ABCA6: variants seen among roughly 807,000 people sequenced by gnomAD.
ABCA6 encodes ATP-binding cassette sub-family A member 6.
In ABCA6, 164 loss-of-function variants were observed where a neutral mutation model predicts 191.2. The observed-to-expected ratio is 0.86, with a 90% CI of 0.76 to 0.98. The LOEUF (loss-of-function observed/expected upper bound fraction) is 0.98. Ranked by LOEUF, ABCA6 falls within the 50% of genes least tolerant of loss-of-function variation. The pLI is 0.00. For missense variants in ABCA6, 1,958 were observed against 1,894.1 expected (o/e 1.03, Z -0.63); for synonymous variants, 636 against 647.7 (o/e 0.98, Z 0.27).
At chr17:69,085,874 T>G (rs2072775657) in intron 30 of ABCA6, among the ~76,000 whole-genome samples, 158 bp from the exon 31 acceptor site, 1 of 152,232 alleles carries the variant, frequency 6.6e-6, no homozygotes, top group African/African-American at 2.4e-5. Flanking sequence ...AGCATGTTCT[T>G]TATTTTCTGT....
At chr17:69,129,329 T>C (rs993651285) in intron 7 of ABCA6, among the ~76,000 whole-genome samples, 8 of 152,180 alleles carry the variant, frequency 5.3e-5, no homozygotes, top group African/African-American at 1.9e-4. Context: ...TCAATAATTA[T>C]ACAGAAAAGA....
In ABCA6 at chr17:69,100,788, A is replaced by C; in HGVS notation, c.3012+9T>G. 2 of 1,603,398 alleles carry C rather than the reference A, an allele frequency of 1.2e-6. No individual in the cohort carries two copies. Among genetic ancestry groups the C allele is most frequent in the Non-Finnish European group, 1.7e-6 (2 of 1,175,984 alleles). On this transcript the variant is annotated intron_variant, in intron 22 of 38. Coordinates refer to ENST00000284425, the MANE Select transcript of ABCA6 (RefSeq NM_080284.3). Reference sequence around the variant, plus strand: ...TTAATTGTTTAGACTCAGTAAATCCAATACTTACAAGAGGAAATGGGCTTG... The same window carrying C: ...TTAATTGTTTAGACTCAGTAAATCCCATACTTACAAGAGGAAATGGGCTTG...
intron 11 of ABCA6, among the ~76,000 whole-genome samples, chr17:69,116,616 G>A (rs754399130): frequency 7.2e-5 from 11 of 152,048 alleles, no homozygotes; most frequent in Non-Finnish European, 1.3e-4. Context: ...GAAACAAATT[G>A]AATCTCATAC....
intron 17 of ABCA6, chr17:69,109,817 C>G (rs1568016924): frequency 6.6e-6 from 1 of 151,976 alleles, no homozygotes; most frequent in Non-Finnish European, 1.5e-5. Flanking sequence ...CCTATTTTAC[C>G]TAATAAGGTT....
In ABCA6 at chr17:69,084,285, T is replaced by A; in HGVS notation, c.4331A>T (p.Asp1444Val). ...CCACATTTGCTGCTGCCCTGTGGGG[T>A]CTATGCCCGTAGATGGTTCATCCAG... ...LLLDEPSTGI[D>V]PTGQQQMWQA... The change falls in exon 34 of 39, where the codon GAC (aspartate) becomes GTC (valine). Residue 1444 changes from aspartate to valine, a missense_variant. Coordinates refer to ENST00000284425, the MANE Select transcript of ABCA6 (RefSeq NM_080284.3). The A allele has an allele frequency of 1.9e-6, 3 of 1,614,036 alleles. No individual in the cohort carries two copies. Among genetic ancestry groups the A allele is most frequent in the Non-Finnish European group, 2.5e-6 (3 of 1,179,990 alleles).
chr17:69,105,102 A>G (rs929541204), intron 20 of ABCA6: 73 of 199,488 alleles, frequency 3.7e-4, no homozygotes, highest in African/African-American at 1.5e-3. Context: ...CATGGTAACC[A>G]GTGTGTATTG....
chr17:69,137,040 A>G (rs1483741398), intron 3 of ABCA6, among the ~76,000 whole-genome samples: 2 of 152,210 alleles, frequency 1.3e-5, no homozygotes, highest in African/African-American at 2.4e-5. Context: ...CTGCAAATCT[A>G]AAAGTATAAA....
rs139917035 is a variant in ABCA6 at position 69,084,045 on chromosome 17, C to G, written c.4355+216G>C. Among the ~76,000 whole-genome samples the G allele has an allele frequency of 1.3e-4, 20 of 152,256 alleles. No individual in the cohort carries two copies. The East Asian group carries it at 3.9e-3, about 29-fold the overall frequency. ...AACAGTCCACATTAAAAACCTAAAA[C>G]CCCAAGAAAATGTTGGGTCTTTTTA... On this transcript the variant is annotated intron_variant, in intron 34 of 38. Transcript: ENST00000284425.
chr17:69,116,919 T>A (rs2144681462), intron 11 of ABCA6, among the ~76,000 whole-genome samples: 2 of 152,264 alleles, frequency 1.3e-5, no homozygotes, highest in Admixed American at 1.3e-4. Flanking sequence ...AACAAAATTC[T>A]TAAAGAAGTT....
intron 8 of ABCA6, among the ~76,000 whole-genome samples, chr17:69,127,731 T>C (rs927379410): frequency 1.3e-5 from 2 of 152,146 alleles, no homozygotes; most frequent in African/African-American, 4.8e-5. Context: ...CTAAGATTAA[T>C]ATTTGTATAC....
At position 69,108,499 on chromosome 17, in the gene ABCA6, T is replaced by C. The variant is rs2073352289; in HGVS notation, c.2273-687A>G. The stretch of plus-strand genomic sequence containing the variant: ...TATTTTGTGTGTCTACTTTTCCCTA[T>C]CTAGTTAGATGTAGGCTCCATGAGA... On this transcript the variant is annotated intron_variant, in intron 17 of 38. Transcript: ENST00000284425. The C allele has an allele frequency of 2.0e-5, 3 of 152,354 alleles. No homozygotes were observed. The South Asian group carries it at 6.2e-4, about 32-fold the overall frequency. The allele number at this position is 152,354 out of a possible 1,614,324, so 9.4% of individuals were successfully genotyped here. A position where few individuals can be genotyped will look rare whatever the true frequency, so the allele number is the denominator to read the frequency against.
chr17:69,102,986 A>T lies in ABCA6; in HGVS notation c.2741-18T>A, dbSNP rs201248415. 113 of 1,440,590 alleles carry T rather than the reference A, an allele frequency of 7.8e-5. 1 individual carries two copies. In the East Asian group the frequency reaches 2.6e-3, roughly 33 times the overall value. The allele number at this position is 1,440,590 out of a possible 1,614,324, so 89.2% of individuals were successfully genotyped here. A position where few individuals can be genotyped will look rare whatever the true frequency, so the allele number is the denominator to read the frequency against. ...ATTTGATTCTAATATGAAGTTAATA[A>T]GAGAAGGCCATAGAAAAGTAAGAAA... On this transcript the variant is annotated intron_variant, in intron 20 of 38. Coordinates refer to ENST00000284425, the MANE Select transcript of ABCA6 (RefSeq NM_080284.3).
At chr17:69,103,064 A>T in intron 20 of ABCA6, 96 bp from the exon 21 acceptor site, 1 of 691,120 alleles carries the variant, frequency 1.4e-6, no homozygotes, top group South Asian at 2.3e-5. Flanking sequence ...GTTAATATTT[A>T]TGGAATACTA....
chr17:69,133,688 C>CT lies in ABCA6; in HGVS notation c.743dup (p.Ser249ValfsTer2), dbSNP rs1420043730. 6.2e-7 allele frequency: 1 copy of CT among 1,606,994 alleles called. No homozygotes were observed. The highest frequency in any genetic ancestry group is 1.1e-5 in the South Asian group (1 of 90,226). Reference sequence around the variant, plus strand: ...CCATCATTTTCATCAAATTCTTAGACTTTTTTCTCTCTTTTGTTACATTGA... The same window carrying CT: ...CCATCATTTTCATCAAATTCTTAGACTTTTTTTCTCTCTTTTGTTACATTGA... On this transcript the variant is annotated frameshift_variant, in exon 6 of 39. Coordinates refer to ENST00000284425, the MANE Select transcript of ABCA6 (RefSeq NM_080284.3). LOFTEE classifies it high-confidence loss of function.
intron 6 of ABCA6, among the ~76,000 whole-genome samples, chr17:69,131,350 T>C (rs1483686215): frequency 1.3e-5 from 2 of 152,220 alleles, no homozygotes; most frequent in Non-Finnish European, 2.9e-5. Flanking sequence ...TAATTAAGCC[T>C]GTGTTAGAAA....
rs188158113 is a variant in ABCA6 at position 69,085,133 on chromosome 17, G to T, written c.4079C>A (p.Pro1360His). The T allele has an allele frequency of 3.5e-5, 56 of 1,612,792 alleles. No individual in the cohort carries two copies. The East Asian group carries it at 6.5e-4, about 19-fold the overall frequency. The change falls in exon 32 of 39, where the codon CCT (proline) becomes CAT (histidine). Residue 1360 changes from proline (P) to histidine (H), a missense_variant. Transcript: ENST00000284425. Reference sequence around the variant, plus strand: ...CATGGGCCACAGCACGTTCTCTTGAGGGCAGTACCCCAGGTGGCCCAAAAC... The same window carrying T: ...CATGGGCCACAGCACGTTCTCTTGATGGCAGTACCCCAGGTGGCCCAAAAC... ...SSVLGHLGYCPQENVLWPMLT... is the reference protein window; with the variant it reads ...SSVLGHLGYCHQENVLWPMLT...
chr17:69,105,863 G>A (rs1169846187), intron 19 of ABCA6, 165 bp downstream of exon 19: 5 of 796,546 alleles, frequency 6.3e-6, no homozygotes, highest in South Asian at 2.0e-5. Flanking sequence ...AAGCTTAATC[G>A]AGTGTGAACA....
rs763673656 is a variant in ABCA6, at chr17:69,085,733, G to A, written c.3938-17C>T. The A allele has an allele frequency of 3.1e-5, 48 of 1,528,276 alleles. No homozygotes were observed. Among genetic ancestry groups the A allele is most frequent in the Non-Finnish European group, 4.2e-5 (46 of 1,104,886 alleles). The allele number at this position is 1,528,276 out of a possible 1,614,324, so 94.7% of individuals were successfully genotyped here. On this transcript the variant is annotated splice_polypyrimidine_tract_variant and intron_variant, in intron 30 of 38. Coordinates refer to ENST00000284425, the MANE Select transcript of ABCA6 (RefSeq NM_080284.3). The stretch of plus-strand genomic sequence containing the variant: ...AAATTTCACCTGAAAGAAAGAATCA[G>A]ACTATCAATATTGGAAGTGAAATAC...
rs769459910 is a variant in ABCA6, at chr17:69,091,216, A to C, written c.3455T>G (p.Leu1152Arg). Residue 1152 changes from leucine to arginine, a missense_variant, in exon 26 of 39, where the codon CTA (leucine) becomes CGA (arginine). By Grantham distance (102) the Leu-to-Arg change is moderately radical. Coordinates refer to ENST00000284425, the MANE Select transcript of ABCA6 (RefSeq NM_080284.3). ...TACCATGGTGGTAATCAATATACTTAGGTCAAAATGATTGATTAAAGTGAT... is the reference window on the plus strand; with the variant it reads ...TACCATGGTGGTAATCAATATACTTCGGTCAAAATGATTGATTAAAGTGAT... Reference protein sequence around the residue: ...FSITLINHFDLSILITTMVLV... With the variant: ...FSITLINHFDRSILITTMVLV... The C allele has an allele frequency of 1.2e-6, 2 of 1,611,886 alleles. No individual in the cohort carries two copies.
Sources: gnomAD v4.1 joint callset for allele counts (sites outside exome capture counted in the v4.1 genomes callset) on GRCh38, gnomAD v4.1.1 for gene constraint, MANE v1.5 for transcripts, NCBI Gene and HGNC (gene_info 2026-07-23, HGNC 2026-07-21) for gene names.